The following DRC4 variants were observed in gnomAD, a reference collection of about 807,000 sequenced individuals.
DRC4 encodes dynein regulatory complex subunit 4.
At chr16:90,021,226 G>A in the DRC4 span, among the ~76,000 whole-genome samples, 3 of 152,238 alleles carry the variant, frequency 2.0e-5, no homozygotes, top group East Asian at 5.8e-4. Context: ...CCACCACTGT[G>A]TGGGTGCCTG....
At chr16:90,037,186 G>C in the DRC4 span, 1 of 1,540,654 alleles carries the variant, frequency 6.5e-7, no homozygotes, top group Non-Finnish European at 8.7e-7. Flanking sequence ...CAGCCCCTTT[G>C]GTTCTGCCTG....
chr16:90,043,333 C>T, the DRC4 span: 5 of 1,598,842 alleles, frequency 3.1e-6, no homozygotes, highest in South Asian at 1.1e-5. Flanking sequence ...GACTGGTGGG[C>T]ACCCCGACGT....
the DRC4 span, chr16:90,029,048 G>T: frequency 7.7e-7 from 1 of 1,305,400 alleles, no homozygotes; most frequent in Non-Finnish European, 1.0e-6. Flanking sequence ...ATTGAACACT[G>T]CGTTGTCCCA....
the DRC4 span, chr16:90,035,676 G>A: frequency 1.2e-6 from 2 of 1,614,158 alleles, no homozygotes; most frequent in Admixed American, 3.3e-5. Context: ...GATTTTGAGA[G>A]GCAAGTTCGA....
the DRC4 span, chr16:90,036,088 G>T: frequency 1.7e-6 from 1 of 604,970 alleles, no homozygotes; most frequent in South Asian, 2.4e-5. Flanking sequence ...ACAGGCCTCG[G>T]TTACTGCTCA....
At chr16:90,029,112 G>T in the DRC4 span, 2 of 1,317,898 alleles carry the variant, frequency 1.5e-6, no homozygotes, top group African/African-American at 3.0e-5. Context: ...GTGGAGACAG[G>T]CCTTGTGGGG....
the DRC4 span, chr16:90,035,771 C>T: frequency 6.2e-7 from 1 of 1,612,774 alleles, no homozygotes; most frequent in Non-Finnish European, 8.5e-7. Flanking sequence ...AGCTTGTTAA[C>T]TCAGGGAGCA....
At chr16:90,043,256 G>C in the DRC4 span, 1 of 1,613,680 alleles carries the variant, frequency 6.2e-7, no homozygotes, top group Non-Finnish European at 8.5e-7. Context: ...GATCCCTCTG[G>C]ACAACGTGGG....
chr16:90,037,325 C>T, the DRC4 span: 1 of 1,614,102 alleles, frequency 6.2e-7, no homozygotes. Flanking sequence ...AGACCCTCTC[C>T]AGAAGGCTCG....
chr16:90,043,951 G>A, the DRC4 span: 62 of 420,668 alleles, frequency 1.5e-4, no homozygotes, highest in Non-Finnish European at 2.3e-4. Context: ...CCAGGGGCAC[G>A]TGGAACTTCT....
At chr16:90,029,185 G>GCTATGGGGCAGC in the DRC4 span, 11 of 1,348,250 alleles carry the variant, frequency 8.2e-6, no homozygotes, top group Admixed American at 5.9e-5. Flanking sequence ...TACGGGGCAG[G>GCTATGGGGCAGC]CTATGGGGCA....
At chr16:90,044,449 A>G in the DRC4 span, 16,250 of 467,106 alleles carry the variant, frequency 0.035, 406 homozygotes, top group South Asian at 0.076. Context: ...CCTGGCCTGC[A>G]GATCCCAGTG....
chr16:90,038,671 G>A, the DRC4 span, among the ~76,000 whole-genome samples: 1 of 152,144 alleles, frequency 6.6e-6, no homozygotes, highest in African/African-American at 2.4e-5. Flanking sequence ...CGGAGGGGCC[G>A]TTTCCATCCT....
At chr16:90,036,545 G>C in the DRC4 span, 5 of 1,603,036 alleles carry the variant, frequency 3.1e-6, no homozygotes, top group South Asian at 2.2e-5. Flanking sequence ...CTACTACAAC[G>C]ACATCACCCT....
At chr16:90,021,761 C>G in the DRC4 span, among the ~76,000 whole-genome samples, 1 of 149,036 alleles carries the variant, frequency 6.7e-6, no homozygotes, top group Non-Finnish European at 1.5e-5. Flanking sequence ...CCTGGCTTCT[C>G]AGGAGGCTGA....
At chr16:90,034,309 C>CGGA in the DRC4 span, among the ~76,000 whole-genome samples, 1 of 152,152 alleles carries the variant, frequency 6.6e-6, no homozygotes. Flanking sequence ...GTTACATAAT[C>CGGA]AGAGTTTCCT....
the DRC4 span, chr16:90,036,767 C>G: frequency 1.4e-6 from 1 of 713,846 alleles, no homozygotes; most frequent in Admixed American, 2.0e-5. Flanking sequence ...TAACCTATCT[C>G]TACCTATTGT....
chr16:90,022,699 C>A, the DRC4 span: 4 of 1,424,772 alleles, frequency 2.8e-6, no homozygotes, highest in African/African-American at 4.4e-5. Context: ...CCGGAGTCGC[C>A]GCTGGGCCTG....
chr16:90,024,652 T>C, the DRC4 span, among the ~76,000 whole-genome samples: 1 of 152,066 alleles, frequency 6.6e-6, no homozygotes, highest in Admixed American at 6.6e-5. Context: ...GGACTCCAGC[T>C]CTTTCTCTTT....
Sources: gnomAD v4.1 joint callset for allele counts (sites outside exome capture counted in the v4.1 genomes callset) on GRCh38, gnomAD v4.1.1 for gene constraint, MANE v1.5 for transcripts, NCBI Gene and HGNC (gene_info 2026-07-23, HGNC 2026-07-21) for gene names.